SERINC5: variants seen among roughly 807,000 people sequenced by gnomAD.
The protein encoded by SERINC5 is serine incorporator 5.
SERINC5 carries 41 observed loss-of-function variants against 63.1 expected under a neutral mutation model. The observed-to-expected ratio is 0.65, with a 90% CI of 0.51 to 0.84. The LOEUF (loss-of-function observed/expected upper bound fraction) is 0.84. Ranked by LOEUF, SERINC5 falls within the 40% of genes least tolerant of loss-of-function variation. The pLI is 0.00. For missense variants in SERINC5, 523 were observed against 573.0 expected, an observed-to-expected ratio of 0.91 and a Z score of 0.89; for synonymous variants, 222 against 215.2, an observed-to-expected ratio of 1.03 and a Z score of -0.28.
chr5:80,208,044 TG>T, intron 1 of SERINC5, among the ~76,000 whole-genome samples: 1 of 152,322 alleles, frequency 6.6e-6, no homozygotes, highest in South Asian at 2.1e-4. Flanking sequence ...AATTCCTGGC[TG>T]GAACTACTGG....
chr5:80,116,792 C>T (rs539336650), intron 11 of SERINC5, among the ~76,000 whole-genome samples: 3 of 151,806 alleles, frequency 2.0e-5, no homozygotes, highest in Admixed American at 6.5e-5. Context: ...TCCACCCCCA[C>T]TGGCTCAAGT....
At chr5:80,127,794 T>C (rs973477275) in intron 11 of SERINC5, among the ~76,000 whole-genome samples, 1 of 152,126 alleles carries the variant, frequency 6.6e-6, no homozygotes, top group Non-Finnish European at 1.5e-5. Flanking sequence ...CAAATATTTA[T>C]CAAACTTTCA....
chr5:80,231,022 C>T (rs1270495029), intron 1 of SERINC5, among the ~76,000 whole-genome samples: 4 of 151,946 alleles, frequency 2.6e-5, no homozygotes, highest in Admixed American at 6.6e-5. Flanking sequence ...CGGCTGGTCT[C>T]GAACTCCTGG....
chr5:80,229,106 C>T (rs997644616), intron 1 of SERINC5, among the ~76,000 whole-genome samples: 1 of 136,854 alleles, frequency 7.3e-6, no homozygotes, highest in Admixed American at 8.3e-5. Flanking sequence ...TCACTGTAAC[C>T]TCCACCTCCT....
intron 1 of SERINC5, among the ~76,000 whole-genome samples, chr5:80,218,606 C>T (rs1463031376): frequency 1.3e-5 from 2 of 150,254 alleles, no homozygotes; most frequent in Admixed American, 6.7e-5. Flanking sequence ...ACCAGGGAGT[C>T]GGAGGTTGCA....
At chr5:80,178,537 A>ATTTTTTTT (rs1182662594) in intron 2 of SERINC5, among the ~76,000 whole-genome samples, 64 of 77,542 alleles carry the variant, frequency 8.3e-4, no homozygotes, top group African/African-American at 1.3e-3. Flanking sequence ...TAATTTTTGT[A>ATTTTTTTT]TTTTTTTTTT....
At chr5:80,199,228 A>C (rs995034187) in intron 2 of SERINC5, among the ~76,000 whole-genome samples, 3 of 152,100 alleles carry the variant, frequency 2.0e-5, no homozygotes, top group Non-Finnish European at 4.4e-5. Flanking sequence ...ACATATTCAG[A>C]CCAGATTCAA....
intron 2 of SERINC5, among the ~76,000 whole-genome samples, chr5:80,178,360 A>T (rs963588478): frequency 2.3e-3 from 56 of 24,042 alleles, no homozygotes; most frequent in Non-Finnish European, 4.4e-3. Flanking sequence ...CCCCACCCCC[A>T]CCCCACCCCC....
rs1166636996 is a variant in SERINC5 at position 80,229,021 on chromosome 5, CTTTTTTTTTT to C, written c.28-25978_28-25969del. ...AAAATACCACCAATGTTTTACATAC[CTTTTTTTTTT>C]TTTTTTTTTTTTTTTTTTTGGGGAT... On this transcript the variant is annotated intron_variant, in intron 1 of 11. Coordinates refer to ENST00000507668, the MANE Select transcript of SERINC5 (RefSeq NM_001174072.3). Among the ~76,000 whole-genome samples the C allele has an allele frequency of 7.0e-5, 6 of 86,082 alleles. 1 individual carries two copies. In the South Asian group the frequency reaches 1.2e-3, roughly 18 times the overall value. 56.5% of individuals were successfully genotyped at this position (86,082 alleles called of 152,430 possible).
At chr5:80,250,372 C>T (rs771169997) in intron 1 of SERINC5, among the ~76,000 whole-genome samples, 18 of 152,186 alleles carry the variant, frequency 1.2e-4, no homozygotes, top group Admixed American at 5.2e-4. Context: ...AACGGAGTCT[C>T]GCTGTCTTGC....
Position 80,224,951 on chromosome 5 carries a change from T to G in SERINC5, c.28-21898A>C, listed in dbSNP as rs147824595. Among the ~76,000 whole-genome samples the G allele has an allele frequency of 1.2e-3, 41 of 34,840 alleles. 1 individual carries two copies. The highest frequency in any genetic ancestry group is 5.0e-3 in the Admixed American group (16 of 3,190). The allele number at this position is 34,840 out of a possible 152,430, so 22.9% of individuals were successfully genotyped here. ...TTTTTTTTTGTTTTTTTTTGTTTTT[T>G]TTTTTTTTAGACAAGTTTTGCTCTT... On this transcript the variant is annotated intron_variant, in intron 1 of 11. Coordinates refer to ENST00000507668, the MANE Select transcript of SERINC5 (RefSeq NM_001174072.3).
intron 1 of SERINC5, among the ~76,000 whole-genome samples, chr5:80,227,461 T>A (rs1032166630): frequency 2.0e-5 from 3 of 151,976 alleles, no homozygotes; most frequent in African/African-American, 7.3e-5. Flanking sequence ...GCACACCTCA[T>A]AATAAAACTG....
intron 1 of SERINC5, among the ~76,000 whole-genome samples, chr5:80,211,700 T>A (rs1363826103): frequency 1.3e-5 from 2 of 152,190 alleles, no homozygotes; most frequent in Non-Finnish European, 2.9e-5. Context: ...AAAGCCTGAT[T>A]TTTCTTTAGC....
intron 5 of SERINC5, among the ~76,000 whole-genome samples, chr5:80,173,362 G>A (rs1411099734): frequency 2.6e-5 from 4 of 152,052 alleles, no homozygotes; most frequent in South Asian, 4.1e-4. Flanking sequence ...TTGGGAGGCC[G>A]AGGTGGGCGG....
At chr5:80,248,371 G>A (rs1397099132) in intron 1 of SERINC5, among the ~76,000 whole-genome samples, 1 of 152,152 alleles carries the variant, frequency 6.6e-6, no homozygotes, top group Non-Finnish European at 1.5e-5. Context: ...ACTAAGGGGT[G>A]AGGAGCATAG....
chr5:80,216,986 G>A (rs1434444137), intron 1 of SERINC5, among the ~76,000 whole-genome samples: 1 of 152,010 alleles, frequency 6.6e-6, no homozygotes, highest in Non-Finnish European at 1.5e-5. Flanking sequence ...ACTTCAGCCT[G>A]GGCAACAGAG....
chr5:80,169,931 G>A (rs369012353), intron 5 of SERINC5, among the ~76,000 whole-genome samples: 19 of 152,316 alleles, frequency 1.2e-4, no homozygotes, highest in African/African-American at 4.6e-4. Context: ...ACAAGTCACA[G>A]AATCTTCTGT....
At chr5:80,119,440 C>T (rs1744456726) in intron 11 of SERINC5, among the ~76,000 whole-genome samples, 1 of 152,168 alleles carries the variant, frequency 6.6e-6, no homozygotes, top group South Asian at 2.1e-4. Context: ...ATAGTGACCC[C>T]AATCTAAGCA....
At position 80,227,549 on chromosome 5, in the gene SERINC5, C is replaced by T. The variant is rs534555784; in HGVS notation, c.28-24496G>A. On this transcript the variant is annotated intron_variant, in intron 1 of 11. Transcript: ENST00000507668. ...ACCCAGGCGGGTGGATCACTTGAAG[C>T]CAGGAGTTTGAGACCAGCCTGGACA... Among the ~76,000 whole-genome samples, 9 of 151,112 alleles carry T rather than the reference C, an allele frequency of 6.0e-5. No individual in the cohort carries two copies. The East Asian group carries it at 1.8e-3, about 29-fold the overall frequency.
Sources: allele counts gnomAD v4.1 joint callset (sites outside exome capture counted in the v4.1 genomes callset), GRCh38; gene constraint gnomAD v4.1.1; transcripts MANE v1.5; gene names NCBI Gene and HGNC (gene_info 2026-07-23, HGNC 2026-07-21).